The following CACNA1I variants were observed in gnomAD, a reference collection of about 807,000 sequenced individuals.
The protein encoded by CACNA1I is voltage-dependent T-type calcium channel subunit alpha-1I.
CACNA1I carries 74 observed loss-of-function variants against 201.6 expected under a neutral mutation model. That is an observed-to-expected ratio of 0.37 (90% CI 0.30 to 0.45). CACNA1I has a LOEUF of 0.45. CACNA1I is among the 20% of genes least tolerant of loss of function. The probability of loss-of-function intolerance (pLI) is 1.00; values close to 1 mark genes in which losing one functional copy is unlikely to be tolerated. For synonymous variants in CACNA1I, 1,431 were observed against 1,345.2 expected (o/e 1.06, Z -1.40); for missense variants, 2,346 against 3,138.1 (o/e 0.75, Z 6.03).
Position 39,680,989 on chromosome 22 carries a change from G to A in CACNA1I, c.5601G>A (p.Leu1867=). Reference sequence around the variant, plus strand: ...ACTCAGACAGGTCCTCGTCCATCCTGCTGGGTGACGACCTGAGTCTCGAGG... The same window carrying A: ...ACTCAGACAGGTCCTCGTCCATCCTACTGGGTGACGACCTGAGTCTCGAGG... ...SLNSDRSSSI[L]LGDDLSLEDP... The change falls in exon 34 of 37, where the codon CTG becomes CTA. Residue 1867 remains leucine (L), a synonymous_variant. Transcript: ENST00000402142. 1 of 1,611,854 alleles carries A rather than the reference G, an allele frequency of 6.2e-7. No individual in the cohort carries two copies. The highest frequency in any genetic ancestry group is 1.1e-5 in the South Asian group (1 of 90,836).
intron 1 of CACNA1I, among the ~76,000 whole-genome samples, chr22:39,582,045 G>A (rs769792839): frequency 3.3e-5 from 5 of 152,216 alleles, no homozygotes; most frequent in Non-Finnish European, 2.9e-5. Context: ...GTGCAGAGCC[G>A]TGGGAAGAGG....
intron 26 of CACNA1I, 71 bp from the exon 27 acceptor site, chr22:39,672,128 C>T (rs2146466289): frequency 1.1e-6 from 1 of 918,892 alleles, no homozygotes; most frequent in Non-Finnish European, 1.8e-6. Flanking sequence ...AAGGCAGAGA[C>T]TTTCTGAGTG....
chr22:39,617,216 G>C (rs1402537315), intron 3 of CACNA1I, among the ~76,000 whole-genome samples: 1 of 152,204 alleles, frequency 6.6e-6, no homozygotes, highest in Admixed American at 6.5e-5. Context: ...TTTTCATGGC[G>C]AGGCTTCATG....
rs1934003676 is a variant in CACNA1I, at chr22:39,629,733, G to A, written c.581-4832G>A. 6.6e-6 allele frequency among the ~76,000 whole-genome samples: 1 copy of A among 152,068 alleles called. No homozygotes were observed. Among genetic ancestry groups the A allele is most frequent in the Non-Finnish European group, 1.5e-5 (1 of 68,006 alleles). ...CCACGTGAGACCCCCGGGAGGCAGCGACCACACAGCTGTGGAGCCCACAGG... is the reference window on the plus strand; with the variant it reads ...CCACGTGAGACCCCCGGGAGGCAGCAACCACACAGCTGTGGAGCCCACAGG... On this transcript the variant is annotated intron_variant, in intron 4 of 36. Transcript: ENST00000402142. The surrounding 1 kb of genome is among the most constrained non-coding windows in gnomAD (Gnocchi z 4.8).
intron 5 of CACNA1I, among the ~76,000 whole-genome samples, chr22:39,638,476 T>C (rs1934274450): frequency 6.6e-6 from 1 of 152,230 alleles, no homozygotes; most frequent in Non-Finnish European, 1.5e-5. Context: ...TGAGTGTCTG[T>C]TTACACTTAT....
intron 5 of CACNA1I, among the ~76,000 whole-genome samples, chr22:39,637,010 G>A (rs545100468): frequency 6.6e-6 from 1 of 152,336 alleles, no homozygotes; most frequent in South Asian, 2.1e-4. Context: ...AGGGCCAACA[G>A]CAAGGCTTCC....
rs1892105984 is a variant in CACNA1I, at chr22:39,649,981, CCTGCCCAGGCCTGGG to C, written c.1992+58_1992+72del. 1 of 1,556,470 alleles carries C rather than the reference CCTGCCCAGGCCTGGG, an allele frequency of 6.4e-7. No individual in the cohort carries two copies. Among genetic ancestry groups the C allele is most frequent in the Non-Finnish European group, 8.8e-7 (1 of 1,131,480 alleles). On this transcript the variant is annotated intron_variant, in intron 10 of 36. Transcript: ENST00000402142. This position sits in a 1 kb window ranked among gnomAD's most constrained non-coding sequence, Gnocchi z 7.3. Reference sequence around the variant, plus strand: ...GGGAGAGGTGTGAGGGCCCCAGGACCCTGCCCAGGCCTGGGCAGCCCCATCCATCTGCCTGGGTTT... The same window carrying C: ...GGGAGAGGTGTGAGGGCCCCAGGACCCAGCCCCATCCATCTGCCTGGGTTT...
intron 4 of CACNA1I, among the ~76,000 whole-genome samples, chr22:39,622,452 G>A (rs912853199): frequency 3.3e-5 from 5 of 151,954 alleles, no homozygotes; most frequent in African/African-American, 1.2e-4. Flanking sequence ...AGGAGCTGGG[G>A]GTTACAGGCT....
Position 39,679,343 on chromosome 22 carries a change from G to A in CACNA1I, c.5292G>A (p.Leu1764=). 4.5e-6 allele frequency: 7 copies of A among 1,543,672 alleles called. No individual in the cohort carries two copies. Among genetic ancestry groups the A allele is most frequent in the African/African-American group, 2.8e-5 (2 of 72,556 alleles). ...MAHGLGPGPR[L]PTGSPGAPGR... is the part of the protein sequence containing the mutation. ...ATGGCCTGGGCCCTGGCCCGAGGCT[G>A]CCTACCGGCTCCCCGGGCGCCCCTG... Residue 1764 remains leucine (L), a synonymous_variant, in exon 32 of 37, where the codon CTG becomes CTA. Coordinates refer to ENST00000402142, the MANE Select transcript of CACNA1I (RefSeq NM_021096.4).
rs764533152 is a variant in CACNA1I, at chr22:39,600,642, C to T, written c.471C>T (p.Ile157=). The change falls in exon 3 of 37, where the codon ATC becomes ATT. Residue 157 remains isoleucine (I), a synonymous_variant. Transcript: ENST00000402142. ...GDTWNRLDFF[I]VMAGMVEYSL... ...CATGGAACCGCCTGGATTTCTTCAT[C>T]GTCATGGCAGGGTAGGTAGCGCCCG... 4 of 1,604,716 alleles carry T rather than the reference C, an allele frequency of 2.5e-6. No individual in the cohort carries two copies. Among genetic ancestry groups the T allele is most frequent in the East Asian group, 2.3e-5 (1 of 44,204 alleles).
In CACNA1I at chr22:39,646,892, C is replaced by T; in HGVS notation, c.1462+11C>T. Reference sequence around the variant, plus strand: ...AGCCCCGGCACTACCGTAAGTGGCCCTGCATCCGACGCGGCACTCAGGCAC... The same window carrying T: ...AGCCCCGGCACTACCGTAAGTGGCCTTGCATCCGACGCGGCACTCAGGCAC... On this transcript the variant is annotated intron_variant, in intron 8 of 36. Transcript: ENST00000402142. 6.8e-7 allele frequency: 1 copy of T among 1,475,790 alleles called. No individual in the cohort carries two copies. The highest frequency in any genetic ancestry group is 9.0e-7 in the Non-Finnish European group (1 of 1,115,680). 91.4% of individuals were successfully genotyped at this position (1,475,790 alleles called of 1,614,324 possible).
intron 31 of CACNA1I, 92 bp downstream of exon 31, chr22:39,678,200 G>A: frequency 2.1e-6 from 3 of 1,445,434 alleles, no homozygotes; most frequent in Non-Finnish European, 2.8e-6. Flanking sequence ...CCCACCCAGG[G>A]CCCCACCACA....
At position 39,673,959 on chromosome 22, in the gene CACNA1I, G is replaced by T; in HGVS notation, c.4784-4G>T. Reference sequence around the variant, plus strand: ...GAGTGGGCAGGGCTGGGTCTCGCCCGCAGTGCTGAAGCTGTTGAAGATGGC... The same window carrying T: ...GAGTGGGCAGGGCTGGGTCTCGCCCTCAGTGCTGAAGCTGTTGAAGATGGC... On this transcript the variant is annotated splice_region_variant and splice_polypyrimidine_tract_variant and intron_variant, in intron 28 of 36. Coordinates refer to ENST00000402142, the MANE Select transcript of CACNA1I (RefSeq NM_021096.4). The T allele has an allele frequency of 6.2e-7, 1 of 1,612,286 alleles. No individual in the cohort carries two copies.
rs201710443 is a variant in CACNA1I at position 39,660,443 on chromosome 22, C to T, written c.2698+6C>T. The T allele has an allele frequency of 6.7e-5, 108 of 1,604,882 alleles. No individual in the cohort carries two copies. The highest frequency in any genetic ancestry group is 5.0e-4 in the Admixed American group (30 of 59,656). On this transcript the variant is annotated splice_donor_region_variant and intron_variant, in intron 15 of 36. Transcript: ENST00000402142. ...AGGCCTGGACAGCAGCGGAGGTAAACAGGCCCTCGCTTGTCACCTAGAGAG... is the reference window on the plus strand; with the variant it reads ...AGGCCTGGACAGCAGCGGAGGTAAATAGGCCCTCGCTTGTCACCTAGAGAG...
At chr22:39,602,979 C>A (rs1276927999) in intron 3 of CACNA1I, among the ~76,000 whole-genome samples, 1 of 151,880 alleles carries the variant, frequency 6.6e-6, no homozygotes, top group Admixed American at 6.6e-5. Flanking sequence ...TAGTGAGACC[C>A]CATCTCTACA....
At chr22:39,633,977 A>G (rs1368178110) in intron 4 of CACNA1I, among the ~76,000 whole-genome samples, 1 of 152,202 alleles carries the variant, frequency 6.6e-6, no homozygotes, top group Non-Finnish European at 1.5e-5. Context: ...TCAGAGACAA[A>G]GGGTATTCAG....
At chr22:39,680,874 C>A in intron 33 of CACNA1I, 56 bp from the exon 34 acceptor site, 1 of 1,567,250 alleles carries the variant, frequency 6.4e-7, no homozygotes, top group South Asian at 1.2e-5. Flanking sequence ...CGCCCCAGGA[C>A]CCAGGTCTGC....
At chr22:39,579,609 C>T (rs1932483288) in intron 1 of CACNA1I, among the ~76,000 whole-genome samples, 1 of 150,632 alleles carries the variant, frequency 6.6e-6, no homozygotes, top group Non-Finnish European at 1.5e-5. Context: ...AGGTGTGTTG[C>T]ATGGAGAGAG....
intron 10 of CACNA1I, among the ~76,000 whole-genome samples, chr22:39,653,285 T>TA (rs1445479510): frequency 6.6e-6 from 1 of 152,014 alleles, no homozygotes; most frequent in Non-Finnish European, 1.5e-5. Context: ...CTCAAAAAAT[T>TA]AAAGTAAGAG....
Sources: gnomAD v4.1 joint callset for allele counts (sites outside exome capture counted in the v4.1 genomes callset) on GRCh38, gnomAD v4.1.1 for gene constraint, Gnocchi (gnomAD v3.1) non-coding constraint, MANE v1.5 for transcripts, NCBI Gene and HGNC (gene_info 2026-07-23, HGNC 2026-07-21) for gene names.